PTPRD: variants seen among roughly 807,000 people sequenced by gnomAD.
The protein encoded by PTPRD is receptor-type tyrosine-protein phosphatase delta.
Under a neutral mutation model 214.5 loss-of-function variants are expected in PTPRD, and 34 were observed. That is an observed-to-expected ratio of 0.16 (90% confidence interval 0.12 to 0.21). The LOEUF is 0.21. Ranked by LOEUF, PTPRD falls within the 10% of genes least tolerant of loss-of-function variation. PTPRD has a pLI of 1.00. For missense variants in PTPRD, 2,545 were observed against 2,398.7 expected, an observed-to-expected ratio of 1.06 and a Z score of -1.27; for synonymous variants, 1,128 against 845.7, an observed-to-expected ratio of 1.33 and a Z score of -5.79.
chr9:9,209,079 ATTACAGGCTTGAGCCACCGCGACCG>A (rs2099946871), intron 9 of PTPRD, among the ~76,000 whole-genome samples: 9 of 152,154 alleles, frequency 5.9e-5, no homozygotes, highest in Admixed American at 5.9e-4. Context: ...AAGTGCTGGA[ATTACAGGCTTGAGCCACCGCGACCG>A]GCTGACAATA....
intron 2 of PTPRD, among the ~76,000 whole-genome samples, chr9:10,559,778 C>A (rs1001445020): frequency 6.6e-6 from 1 of 152,064 alleles, no homozygotes; most frequent in African/African-American, 2.4e-5. Context: ...CAAAAGAAGA[C>A]ATTTATGCAG....
intron 11 of PTPRD, among the ~76,000 whole-genome samples, chr9:8,992,884 C>G (rs746347865): frequency 2.6e-5 from 4 of 152,120 alleles, no homozygotes; most frequent in Non-Finnish European, 5.9e-5. Flanking sequence ...GGTAATATGG[C>G]TGTTTCCATG....
chr9:9,762,843 T>G (rs1206353200), intron 6 of PTPRD, among the ~76,000 whole-genome samples: 1 of 152,222 alleles, frequency 6.6e-6, no homozygotes, highest in Non-Finnish European at 1.5e-5. Flanking sequence ...TCAGCTGGGT[T>G]GCCATAGCAA....
At chr9:8,436,547 G>A in intron 35 of PTPRD, 45 bp downstream of exon 35, 1 of 1,428,928 alleles carries the variant, frequency 7.0e-7, no homozygotes, top group Non-Finnish European at 9.8e-7. Context: ...AAAAAGAGAA[G>A]AGTAACTCTT....
At chr9:8,337,911 A>G (rs1848568734) in intron 43 of PTPRD, among the ~76,000 whole-genome samples, 1 of 151,822 alleles carries the variant, frequency 6.6e-6, no homozygotes, top group Non-Finnish European at 1.5e-5. Context: ...GGTTACACTC[A>G]AGACCTAGAG....
chr9:9,019,301 A>AAAGAAAGGAAGG (rs1569428271), intron 10 of PTPRD, among the ~76,000 whole-genome samples: 1 of 70,690 alleles, frequency 1.4e-5, no homozygotes, highest in African/African-American at 5.7e-5. Flanking sequence ...AGAAAGAAAG[A>AAAGAAAGGAAGG]AAGAAAGAAA....
At chr9:9,814,009 A>T (rs1204472744) in intron 5 of PTPRD, among the ~76,000 whole-genome samples, 1 of 152,152 alleles carries the variant, frequency 6.6e-6, no homozygotes, top group Non-Finnish European at 1.5e-5. Flanking sequence ...GCAAGTCAAT[A>T]AGTTTTGTAC....
chr9:8,851,725 A>T (rs1463779529), intron 11 of PTPRD, among the ~76,000 whole-genome samples: 2 of 152,214 alleles, frequency 1.3e-5, no homozygotes, highest in African/African-American at 4.8e-5. Flanking sequence ...CTGGATATTC[A>T]TTACATGTAT....
intron 14 of PTPRD, among the ~76,000 whole-genome samples, chr9:8,631,252 T>C (rs1336687620): frequency 6.6e-6 from 1 of 152,072 alleles, no homozygotes; most frequent in Non-Finnish European, 1.5e-5. Flanking sequence ...TATTCTTTTT[T>C]TTCCCTAATG....
chr9:10,255,043 G>T (rs1162905367), intron 3 of PTPRD, among the ~76,000 whole-genome samples: 1 of 152,172 alleles, frequency 6.6e-6, no homozygotes, highest in Admixed American at 6.5e-5. Context: ...TAGATATGAT[G>T]CAAAGAAAAG....
At chr9:9,468,474 T>C (rs2094373472) in intron 8 of PTPRD, among the ~76,000 whole-genome samples, 1 of 152,060 alleles carries the variant, frequency 6.6e-6, no homozygotes, top group African/African-American at 2.4e-5. Context: ...TATCCTAGTC[T>C]TCCAAATATC....
intron 9 of PTPRD, among the ~76,000 whole-genome samples, chr9:9,235,159 A>G (rs1270612892): frequency 6.6e-6 from 1 of 152,182 alleles, no homozygotes; most frequent in East Asian, 1.9e-4. Flanking sequence ...ATGAGTGCCA[A>G]GCAATGGGGG....
chr9:10,334,482 A>G (rs1005965865), intron 3 of PTPRD, among the ~76,000 whole-genome samples: 1 of 151,392 alleles, frequency 6.6e-6, no homozygotes, highest in Admixed American at 6.6e-5. Context: ...GAGAAGCTCG[A>G]GGCTTTCTTT....
intron 3 of PTPRD, among the ~76,000 whole-genome samples, chr9:10,063,923 GCCAGTA>G: frequency 6.6e-6 from 1 of 152,070 alleles, no homozygotes; most frequent in Non-Finnish European, 1.5e-5. Flanking sequence ...ATGACTATTA[GCCAGTA>G]TTATGACTAA....
intron 11 of PTPRD, among the ~76,000 whole-genome samples, chr9:8,813,999 T>C (rs900548455): frequency 6.6e-6 from 1 of 152,212 alleles, no homozygotes; most frequent in African/African-American, 2.4e-5. Flanking sequence ...TAATCAGGTG[T>C]ATTTATTTTT....
At chr9:8,538,429 G>A (rs1438708992) in intron 14 of PTPRD, among the ~76,000 whole-genome samples, 2 of 151,730 alleles carry the variant, frequency 1.3e-5, no homozygotes, top group Non-Finnish European at 2.9e-5. Context: ...AAACCAACAA[G>A]CTCAATCAAA....
chr9:8,436,009 G>T (rs760716906), intron 35 of PTPRD, among the ~76,000 whole-genome samples: 4 of 152,190 alleles, frequency 2.6e-5, no homozygotes, highest in Non-Finnish European at 2.9e-5. Context: ...TTTCTTTCTA[G>T]ATGAGGATTC....
intron 2 of PTPRD, among the ~76,000 whole-genome samples, chr9:10,361,390 T>C (rs1223524711): frequency 6.6e-6 from 1 of 152,154 alleles, no homozygotes; most frequent in Non-Finnish European, 1.5e-5. Context: ...AAGGGTTTTG[T>C]TCTCAGACCA....
intron 11 of PTPRD, among the ~76,000 whole-genome samples, chr9:8,767,331 G>T (rs1230350586): frequency 6.6e-6 from 1 of 151,972 alleles, no homozygotes; most frequent in Admixed American, 6.6e-5. Context: ...TGGCCAGGCT[G>T]GTCTCGAACT....
Sources: allele counts gnomAD v4.1 joint callset (sites outside exome capture counted in the v4.1 genomes callset), GRCh38; gene constraint gnomAD v4.1.1; transcripts MANE v1.5; gene names NCBI Gene and HGNC (gene_info 2026-07-23, HGNC 2026-07-21).